The following PTPRG variants were observed in gnomAD, a reference collection of about 807,000 sequenced individuals.
PTPRG encodes the protein protein tyrosine phosphatase receptor type G, also known as receptor-type tyrosine-protein phosphatase gamma.
PTPRG carries 102 observed loss-of-function variants against 165.3 expected under a neutral mutation model. That is an observed-to-expected ratio of 0.62 (90% CI 0.53 to 0.73). The LOEUF is 0.73. PTPRG is among the 30% of genes least tolerant of loss of function. PTPRG has a pLI of 0.00. For missense variants in PTPRG, 1,866 were observed against 1,861.4 expected (o/e 1.00, Z -0.05); for synonymous variants, 675 against 669.5 (o/e 1.01, Z -0.13).
chr3:61,781,732 T>C (rs2034549698), intron 2 of PTPRG, among the ~76,000 whole-genome samples: 1 of 152,160 alleles, frequency 6.6e-6, no homozygotes, highest in African/African-American at 2.4e-5. Context: ...AATTTATTAA[T>C]TTCTCTTTTT....
chr3:61,830,721 C>T (rs768515392), intron 2 of PTPRG, among the ~76,000 whole-genome samples: 25 of 151,874 alleles, frequency 1.6e-4, no homozygotes, highest in Non-Finnish European at 3.5e-4. Flanking sequence ...ATTACAGGCA[C>T]GCGCCACCAC....
chr3:62,194,372 A>C (rs974747310), intron 9 of PTPRG, among the ~76,000 whole-genome samples: 1 of 152,206 alleles, frequency 6.6e-6, no homozygotes, highest in Non-Finnish European at 1.5e-5. Flanking sequence ...ATTTTACAGA[A>C]GATAGCAGAG....
intron 2 of PTPRG, among the ~76,000 whole-genome samples, chr3:61,816,157 A>G (rs1377690149): frequency 6.6e-6 from 1 of 152,182 alleles, no homozygotes; most frequent in Non-Finnish European, 1.5e-5. Context: ...AAGTTCAAAT[A>G]GCAAGGCAAC....
At chr3:61,666,165 C>G (rs1364421186) in intron 1 of PTPRG, among the ~76,000 whole-genome samples, 1 of 152,040 alleles carries the variant, frequency 6.6e-6, no homozygotes, top group African/African-American at 2.4e-5. Context: ...CCCAGATGCT[C>G]GATAAAAACC....
intron 2 of PTPRG, among the ~76,000 whole-genome samples, chr3:61,772,139 A>G (rs767185376): frequency 6.6e-5 from 10 of 151,670 alleles, no homozygotes; most frequent in Admixed American, 2.0e-4. Flanking sequence ...TTCTTTGCCA[A>G]TTCCCATCGG....
At chr3:62,045,232 C>A (rs569236414) in intron 4 of PTPRG, among the ~76,000 whole-genome samples, 27 of 152,240 alleles carry the variant, frequency 1.8e-4, no homozygotes, top group African/African-American at 6.3e-4. Flanking sequence ...AGATGGAAAG[C>A]CTTGAATTAT....
intron 1 of PTPRG, among the ~76,000 whole-genome samples, chr3:61,615,928 G>A (rs1339886132): frequency 6.6e-6 from 1 of 152,144 alleles, no homozygotes; most frequent in Non-Finnish European, 1.5e-5. Flanking sequence ...TTCTTTTAGA[G>A]GAGACTAGTA....
At chr3:62,179,703 C>G (rs2106770798) in intron 8 of PTPRG, among the ~76,000 whole-genome samples, 1 of 152,368 alleles carries the variant, frequency 6.6e-6, no homozygotes, top group Non-Finnish European at 1.5e-5. Context: ...CTGCCCATAG[C>G]CTGGTCTCTC....
chr3:61,860,804 A>G (rs2037245596), intron 2 of PTPRG, among the ~76,000 whole-genome samples: 1 of 152,162 alleles, frequency 6.6e-6, no homozygotes, highest in African/African-American at 2.4e-5. Flanking sequence ...GTATAAAATA[A>G]TACAGAGAGG....
At chr3:61,765,318 G>T (rs1284618234) in intron 2 of PTPRG, among the ~76,000 whole-genome samples, 2 of 152,176 alleles carry the variant, frequency 1.3e-5, no homozygotes, top group Non-Finnish European at 2.9e-5. Flanking sequence ...AGCCTACCTC[G>T]TAATGTCACA....
chr3:62,025,016 A>G (rs2041775230), intron 4 of PTPRG, among the ~76,000 whole-genome samples: 1 of 152,208 alleles, frequency 6.6e-6, no homozygotes, highest in Non-Finnish European at 1.5e-5. Context: ...GTTATTTTCC[A>G]GGAGTATGAA....
chr3:62,017,734 T>A (rs1025626846), intron 4 of PTPRG, among the ~76,000 whole-genome samples: 5 of 152,154 alleles, frequency 3.3e-5, no homozygotes, highest in African/African-American at 1.2e-4. Context: ...CAGAAAATGA[T>A]CTTTTTAAGG....
chr3:62,164,948 C>A (rs1471157655), intron 7 of PTPRG, among the ~76,000 whole-genome samples: 1 of 152,216 alleles, frequency 6.6e-6, no homozygotes, highest in Non-Finnish European at 1.5e-5. Context: ...ATGGCTGTCT[C>A]TTCCAGAAAA....
intron 2 of PTPRG, among the ~76,000 whole-genome samples, chr3:61,859,314 T>G (rs1387423477): frequency 6.6e-6 from 1 of 152,156 alleles, no homozygotes; most frequent in Non-Finnish European, 1.5e-5. Context: ...ATGATGGGAA[T>G]TAGGACATTA....
chr3:61,593,790 A>C (rs377203897), intron 1 of PTPRG, among the ~76,000 whole-genome samples: 6 of 152,074 alleles, frequency 3.9e-5, no homozygotes, highest in African/African-American at 1.4e-4. Flanking sequence ...AAAGTGCTTG[A>C]AAAGTAATAT....
At chr3:62,013,033 A>C (rs1213262418) in intron 4 of PTPRG, among the ~76,000 whole-genome samples, 1 of 152,296 alleles carries the variant, frequency 6.6e-6, no homozygotes, top group East Asian at 1.9e-4. Context: ...CCTCCTTAAA[A>C]GAGGTAAAAA....
intron 4 of PTPRG, among the ~76,000 whole-genome samples, chr3:62,071,511 C>T (rs1412874655): frequency 6.6e-6 from 1 of 152,328 alleles, no homozygotes; most frequent in African/African-American, 2.4e-5. Context: ...CCATGAGCCA[C>T]TCATTGCCTT....
At chr3:62,154,775 G>A (rs1286805263) in intron 6 of PTPRG, among the ~76,000 whole-genome samples, 2 of 152,142 alleles carry the variant, frequency 1.3e-5, no homozygotes, top group South Asian at 2.1e-4. Context: ...CTAGCCATTC[G>A]GCCTGGATCC....
intron 9 of PTPRG, among the ~76,000 whole-genome samples, chr3:62,191,871 A>G (rs1393381992): frequency 2.0e-5 from 3 of 152,188 alleles, no homozygotes; most frequent in Non-Finnish European, 4.4e-5. Flanking sequence ...CTTAACAGCT[A>G]TGCAACCCGG....
Sources: gnomAD v4.1 joint callset for allele counts (sites outside exome capture counted in the v4.1 genomes callset) on GRCh38, gnomAD v4.1.1 for gene constraint, MANE v1.5 for transcripts, NCBI Gene and HGNC (gene_info 2026-07-23, HGNC 2026-07-21) for gene names.